Variants in KIF16B observed in about 807,000 individuals in gnomAD.
The protein encoded by KIF16B is kinesin-like protein KIF16B.
A neutral mutation model predicts 156.3 loss-of-function variants in KIF16B; 98 were observed. The observed-to-expected ratio is 0.63, with a 90% CI of 0.53 to 0.74. KIF16B has a LOEUF of 0.74. Ranked by LOEUF, KIF16B falls within the 30% of genes least tolerant of loss-of-function variation. KIF16B has a pLI of 0.00. For synonymous variants in KIF16B, 564 were observed against 583.7 expected (o/e 0.97, Z 0.49); for missense variants, 1,421 against 1,606.5 (o/e 0.88, Z 1.97).
intron 23 of KIF16B, among the ~76,000 whole-genome samples, chr20:16,353,309 A>C (rs941561544): frequency 1.3e-5 from 2 of 152,198 alleles, no homozygotes; most frequent in African/African-American, 4.8e-5. Context: ...CTGAGAGAAA[A>C]GGTCAGCAAT....
chr20:16,412,215 G>A (rs1173044620), intron 15 of KIF16B, among the ~76,000 whole-genome samples: 1 of 151,958 alleles, frequency 6.6e-6, no homozygotes, highest in African/African-American at 2.4e-5. Flanking sequence ...GGTCAACTGA[G>A]ACAAAAAGAC....
At chr20:16,350,776 C>T (rs2064323128) in intron 23 of KIF16B, among the ~76,000 whole-genome samples, 1 of 151,914 alleles carries the variant, frequency 6.6e-6, no homozygotes, top group African/African-American at 2.4e-5. Context: ...ACTCAGTCAT[C>T]ACCGAAGCGC....
At chr20:16,526,063 A>C (rs1283341404) in intron 3 of KIF16B, 29 bp downstream of exon 3, 1 of 1,246,980 alleles carries the variant, frequency 8.0e-7, no homozygotes, top group Non-Finnish European at 1.1e-6. Context: ...AAAATAAATC[A>C]ACATAAATAT....
At position 16,322,189 on chromosome 20, in the gene KIF16B, A is replaced by G. The variant is rs137866737; in HGVS notation, c.3712-9771T>C. Among the ~76,000 whole-genome samples the G allele has an allele frequency of 5.8e-3, 885 of 152,114 alleles. 29 individuals are homozygous for G. The highest frequency in any genetic ancestry group is 0.051 in the Admixed American group (782 of 15,248). On this transcript the variant is annotated intron_variant, in intron 24 of 25. Coordinates refer to ENST00000354981, the MANE Select transcript of KIF16B (RefSeq NM_024704.5). ...AGACAAAATTCCTATGGAACCAAAAAAGAGCCCACACAGCCAAAGCAAGAC... is the reference window on the plus strand; with the variant it reads ...AGACAAAATTCCTATGGAACCAAAAGAGAGCCCACACAGCCAAAGCAAGAC...
chr20:16,502,986 G>A (rs988239196), intron 10 of KIF16B, among the ~76,000 whole-genome samples: 6 of 151,102 alleles, frequency 4.0e-5, no homozygotes, highest in Admixed American at 2.6e-4. Context: ...AGGCCAAGGC[G>A]GGCAGATCAC....
At chr20:16,315,228 G>A (rs1440492402) in intron 24 of KIF16B, among the ~76,000 whole-genome samples, 2 of 152,174 alleles carry the variant, frequency 1.3e-5, no homozygotes, top group African/African-American at 4.8e-5. Flanking sequence ...TATTCAGCCT[G>A]TGAAATAACT....
intron 1 of KIF16B, among the ~76,000 whole-genome samples, chr20:16,567,908 C>A (rs1375540778): frequency 1.3e-5 from 2 of 152,130 alleles, no homozygotes; most frequent in Non-Finnish European, 2.9e-5. Context: ...ACCGAGATCG[C>A]GCCACTGCAC....
intron 12 of KIF16B, among the ~76,000 whole-genome samples, chr20:16,466,303 T>C (rs1031717321): frequency 6.6e-6 from 1 of 152,208 alleles, no homozygotes; most frequent in Admixed American, 6.5e-5. Context: ...TTTACTCAGA[T>C]TCATCAGAGA....
intron 12 of KIF16B, among the ~76,000 whole-genome samples, chr20:16,451,503 G>A (rs10485553): frequency 0.11 from 16,929 of 150,756 alleles, 1,171 homozygotes; most frequent in Non-Finnish European, 0.16. Context: ...TATGCCATTT[G>A]CATTAAGTTG....
At chr20:16,287,990 G>T (rs907682167) in intron 25 of KIF16B, among the ~76,000 whole-genome samples, 2 of 152,224 alleles carry the variant, frequency 1.3e-5, no homozygotes, top group African/African-American at 4.8e-5. Flanking sequence ...AAGGAGCCCA[G>T]TTCCCAGTAC....
chr20:16,294,985 A>G (rs6111027), intron 25 of KIF16B, among the ~76,000 whole-genome samples: 40,601 of 152,040 alleles, frequency 0.27, 5,664 homozygotes, highest in Non-Finnish European at 0.29. Context: ...TCTGATGAGG[A>G]CTTTTTGATT....
chr20:16,496,921 C>A (rs1470981879), intron 11 of KIF16B, among the ~76,000 whole-genome samples: 1 of 152,042 alleles, frequency 6.6e-6, no homozygotes, highest in Non-Finnish European at 1.5e-5. Flanking sequence ...AAACAGAATC[C>A]AATTCTTTTT....
At chr20:16,405,021 A>G (rs1372838637) in intron 16 of KIF16B, 120 bp from the exon 17 acceptor site, 1 of 677,826 alleles carries the variant, frequency 1.5e-6, no homozygotes, top group Non-Finnish European at 2.6e-6. Context: ...ATTAACACGC[A>G]CCACAATTAA....
At chr20:16,467,463 C>A (rs1380678212) in intron 12 of KIF16B, among the ~76,000 whole-genome samples, 1 of 152,090 alleles carries the variant, frequency 6.6e-6, no homozygotes, top group Non-Finnish European at 1.5e-5. Context: ...ATAATTATGT[C>A]AGGAAGGTTG....
intron 15 of KIF16B, among the ~76,000 whole-genome samples, chr20:16,417,379 G>A (rs1281486367): frequency 2.0e-5 from 3 of 152,110 alleles, no homozygotes; most frequent in Non-Finnish European, 4.4e-5. Flanking sequence ...GCAGTGGAAC[G>A]GCAGACACGA....
In KIF16B at chr20:16,386,050, A is replaced by T. The variant is rs143622200; in HGVS notation, c.1785-4303T>A. Among the ~76,000 whole-genome samples the T allele has an allele frequency of 2.2e-4, 33 of 152,296 alleles. No individual in the cohort carries two copies. In the East Asian group the frequency reaches 6.4e-3, roughly 29 times the overall value. On this transcript the variant is annotated intron_variant, in intron 17 of 25. Transcript: ENST00000354981. ...AGACGTCCAGCAGGCAGCACGAAAC[A>T]TTCAACGAGCTGGTATGCAGGCCCT...
chr20:16,418,221 T>C (rs779578645), intron 15 of KIF16B, among the ~76,000 whole-genome samples: 2 of 152,160 alleles, frequency 1.3e-5, no homozygotes, highest in African/African-American at 2.4e-5. Flanking sequence ...ATATGTCTCA[T>C]GTCCAGAAGT....
intron 1 of KIF16B, among the ~76,000 whole-genome samples, chr20:16,544,683 G>A (rs1052474429): frequency 1.3e-5 from 2 of 151,396 alleles, no homozygotes; most frequent in Non-Finnish European, 2.9e-5. Context: ...TATCTTCTGG[G>A]TGACATTCCA....
chr20:16,277,670 G>GGT (rs1473543079), intron 25 of KIF16B, among the ~76,000 whole-genome samples: 1 of 151,970 alleles, frequency 6.6e-6, no homozygotes, highest in African/African-American at 2.4e-5. Flanking sequence ...AATCAGTCCA[G>GGT]GTGTCAAGCT....
Sources: gnomAD v4.1 joint callset for allele counts (sites outside exome capture counted in the v4.1 genomes callset) on GRCh38, gnomAD v4.1.1 for gene constraint, MANE v1.5 for transcripts, NCBI Gene and HGNC (gene_info 2026-07-23, HGNC 2026-07-21) for gene names.